The following VPS53 variants were observed in gnomAD, a reference collection of about 807,000 sequenced individuals.
VPS53 encodes vacuolar protein sorting-associated protein 53 homolog.
VPS53 carries 70 observed loss-of-function variants against 107.0 expected under a neutral mutation model. The ratio of observed to expected loss-of-function variants is 0.65; its 90% CI spans 0.54 to 0.80. The LOEUF is 0.80. Among genes scored for constraint, VPS53 ranks in the 30% least tolerant of loss-of-function variants. The pLI is 0.00. For missense variants in VPS53, 917 were observed against 1,049.4 expected (o/e 0.87, Z 1.74); for synonymous variants, 409 against 393.3 (o/e 1.04, Z -0.47).
At chr17:654,750 A>AG (rs1971113452) in intron 6 of VPS53, among the ~76,000 whole-genome samples, 2 of 148,826 alleles carry the variant, frequency 1.3e-5, no homozygotes, top group African/African-American at 4.9e-5. Flanking sequence ...AAAAAAAAAA[A>AG]AAAAGAAAAA....
intron 7 of VPS53, among the ~76,000 whole-genome samples, chr17:636,166 C>T (rs1353758665): frequency 6.6e-6 from 1 of 152,130 alleles, no homozygotes; most frequent in Non-Finnish European, 1.5e-5. Context: ...GGATTTTATT[C>T]TCTTTGTAGC....
intron 4 of VPS53, among the ~76,000 whole-genome samples, chr17:662,254 T>C (rs1056581477): frequency 5.9e-5 from 9 of 152,110 alleles, no homozygotes; most frequent in Non-Finnish European, 1.3e-4. Flanking sequence ...AGCTCTAAAT[T>C]GGGGCAAGGG....
intron 19 of VPS53, among the ~76,000 whole-genome samples, chr17:527,001 G>C (rs1567598882): frequency 1.3e-5 from 2 of 152,236 alleles, no homozygotes; most frequent in Admixed American, 6.5e-5. Flanking sequence ...CAGGCTATCA[G>C]GAGGGATGGA....
chr17:697,306 G>C, intron 4 of VPS53, 112 bp downstream of exon 4: 1 of 905,174 alleles, frequency 1.1e-6, no homozygotes, highest in Middle Eastern at 2.2e-4. Context: ...TGCCATGTAT[G>C]AAACGGATCA....
At chr17:635,972 ATAAAT>A (rs1970182588) in intron 7 of VPS53, among the ~76,000 whole-genome samples, 1 of 152,168 alleles carries the variant, frequency 6.6e-6, no homozygotes, top group Non-Finnish European at 1.5e-5. Context: ...CACTGAATCT[ATAAAT>A]TACCTTGGGC....
At chr17:599,134 G>A (rs1424941982) in intron 12 of VPS53, among the ~76,000 whole-genome samples, 1 of 146,892 alleles carries the variant, frequency 6.8e-6, no homozygotes, top group Non-Finnish European at 1.5e-5. Context: ...AGGTGGGGGG[G>A]TCAGCCCCCC....
At chr17:655,255 CTCTATT>C (rs1173202270) in intron 6 of VPS53, among the ~76,000 whole-genome samples, 2 of 151,804 alleles carry the variant, frequency 1.3e-5, no homozygotes, top group Admixed American at 1.3e-4. Context: ...GCTCTTCCTT[CTCTATT>C]TCTAATGTTC....
At chr17:564,016 G>A (rs1055107323) in intron 13 of VPS53, among the ~76,000 whole-genome samples, 8 of 151,726 alleles carry the variant, frequency 5.3e-5, no homozygotes, top group Non-Finnish European at 7.4e-5. Flanking sequence ...GTGGGAGGCC[G>A]AGGCGGGCAG....
chr17:600,308 A>C (rs1383211145), intron 12 of VPS53, among the ~76,000 whole-genome samples: 2 of 152,202 alleles, frequency 1.3e-5, no homozygotes, highest in Non-Finnish European at 2.9e-5. Flanking sequence ...CATTCGTGAG[A>C]CATCAGGGCT....
intron 5 of VPS53, among the ~76,000 whole-genome samples, chr17:661,571 G>C (rs1040089587): frequency 6.7e-6 from 1 of 149,466 alleles, no homozygotes; most frequent in Non-Finnish European, 1.5e-5. Context: ...AAACAAAAAA[G>C]TTGCCTATTT....
rs191719396 is a variant in VPS53, at chr17:553,484, G to T, written c.1705-22C>A. 327 of 1,554,782 alleles carry T rather than the reference G, an allele frequency of 2.1e-4. 2 individuals are homozygous for T. In the African/African-American group the frequency reaches 4.0e-3, roughly 19 times the overall value. On this transcript the variant is annotated intron_variant, in intron 15 of 21. Coordinates refer to ENST00000437048, the MANE Select transcript of VPS53 (RefSeq NM_001128159.3). ...CTAGCTGTTGAAAAACAGAAGAAAT[G>T]GATGCACGGTTAATGATTATCCAAA...
intron 12 of VPS53, among the ~76,000 whole-genome samples, chr17:590,549 C>G (rs1014921176): frequency 5.9e-5 from 9 of 152,078 alleles, no homozygotes; most frequent in African/African-American, 2.2e-4. Context: ...TGAGATACGT[C>G]CCATCAATAC....
chr17:711,708 G>A (rs1973648573), intron 1 of VPS53, among the ~76,000 whole-genome samples: 1 of 152,036 alleles, frequency 6.6e-6, no homozygotes, highest in Non-Finnish European at 1.5e-5. Context: ...CATGTAACAA[G>A]GCTCCTAACA....
chr17:565,429 AAG>A (rs1393294764), intron 13 of VPS53, among the ~76,000 whole-genome samples: 2 of 150,682 alleles, frequency 1.3e-5, no homozygotes, highest in African/African-American at 4.9e-5. Context: ...AAAAAAAAGA[AAG>A]AAAAGAAAAA....
At chr17:673,606 C>G (rs1039153753) in intron 4 of VPS53, 1 of 152,242 alleles carries the variant, frequency 6.6e-6, no homozygotes, top group African/African-American at 2.4e-5. Flanking sequence ...GAGAACTCAA[C>G]CAGGACTGCC....
intron 12 of VPS53, among the ~76,000 whole-genome samples, chr17:588,581 T>G (rs544722149): frequency 6.6e-6 from 1 of 152,358 alleles, no homozygotes; most frequent in South Asian, 2.1e-4. Context: ...TACTTAACCC[T>G]CTTCCCTTTT....
chr17:563,658 GT>G (rs1913231335), intron 13 of VPS53, among the ~76,000 whole-genome samples: 1 of 152,280 alleles, frequency 6.6e-6, no homozygotes, highest in South Asian at 2.1e-4. Context: ...TTTTCAAAGA[GT>G]TAAGTACAGA....
At chr17:549,281 A>G (rs926088587) in intron 17 of VPS53, among the ~76,000 whole-genome samples, 1 of 152,244 alleles carries the variant, frequency 6.6e-6, no homozygotes, top group African/African-American at 2.4e-5. Context: ...ATGTGTGTTG[A>G]ATCAATTTGT....
At position 627,255 on chromosome 17, in the gene VPS53, T is replaced by G. The variant is rs373758706; in HGVS notation, c.893A>C (p.Tyr298Ser). The G allele has an allele frequency of 6.2e-7, 1 of 1,613,974 alleles. No individual in the cohort carries two copies. Among genetic ancestry groups the G allele is most frequent in the Non-Finnish European group, 8.5e-7 (1 of 1,180,016 alleles). ...YAWIKRQLVD[Y>S]EEKYGRMFPR... Reference sequence around the variant, plus strand: ...AAACATGCGGCCGTATTTCTCCTCATAGTCCACAAGCTGGCGTTTTATCCA... The same window carrying G: ...AAACATGCGGCCGTATTTCTCCTCAGAGTCCACAAGCTGGCGTTTTATCCA... The change falls in exon 10 of 22, where the codon TAT becomes TCT. Residue 298 changes from tyrosine to serine, a missense_variant. By Grantham distance (144) the Tyr-to-Ser change is moderately radical. Coordinates refer to ENST00000437048, the MANE Select transcript of VPS53 (RefSeq NM_001128159.3).
Sources: gnomAD v4.1 joint callset for allele counts (sites outside exome capture counted in the v4.1 genomes callset) on GRCh38, gnomAD v4.1.1 for gene constraint, MANE v1.5 for transcripts, NCBI Gene and HGNC (gene_info 2026-07-23, HGNC 2026-07-21) for gene names.